The following RASSF5 variants were observed in gnomAD, a reference collection of about 807,000 sequenced individuals.
RASSF5 encodes ras association domain-containing protein 5.
In RASSF5, 25 loss-of-function variants were observed where a neutral mutation model predicts 40.5. That is an observed-to-expected ratio of 0.62 (90% confidence interval 0.45 to 0.86). The LOEUF (loss-of-function observed/expected upper bound fraction) is 0.86, where lower values mean the gene tolerates loss of function less well. Among genes scored for constraint, RASSF5 ranks in the 40% least tolerant of loss-of-function variants. The pLI is 0.00. For synonymous variants in RASSF5, 246 were observed against 252.4 expected (o/e 0.97, Z 0.24); for missense variants, 521 against 572.8 (o/e 0.91, Z 0.92).
intron 1 of RASSF5, among the ~76,000 whole-genome samples, chr1:206,509,984 C>T (rs542650366): frequency 2.6e-5 from 4 of 152,212 alleles, no homozygotes; most frequent in Admixed American, 2.0e-4. Flanking sequence ...TTAATGCTAA[C>T]GATGTCTGAA....
At chr1:206,523,000 C>T (rs1553396347) in intron 1 of RASSF5, among the ~76,000 whole-genome samples, 1 of 151,982 alleles carries the variant, frequency 6.6e-6, no homozygotes, top group African/African-American at 2.4e-5. Flanking sequence ...ATGTTATAAA[C>T]ATTGCATGTA....
rs1484357809 is a variant in RASSF5 at position 206,587,669 on chromosome 1, A to G, written c.*691A>G. On this transcript the variant is annotated 3_prime_UTR_variant, in exon 6 of 6. Coordinates refer to ENST00000579436, the MANE Select transcript of RASSF5 (RefSeq NM_182663.4). ...ATTGCACATGGAAACCCAAAGGCAT[A>G]TATCTGCGTATGTGTGGTACTTAGT... The G allele has an allele frequency of 3.9e-5, 6 of 153,450 alleles. No homozygotes were observed. Among genetic ancestry groups the G allele is most frequent in the African/African-American group, 1.4e-4 (6 of 41,468 alleles). 9.5% of individuals were successfully genotyped at this position (153,450 alleles called of 1,614,324 possible).
chr1:206,560,712 A>C lies in RASSF5; in HGVS notation c.579+22419A>C, dbSNP rs546939416. 6.6e-6 allele frequency among the ~76,000 whole-genome samples: 1 copy of C among 152,316 alleles called. No individual in the cohort carries two copies. Among genetic ancestry groups the C allele is most frequent in the East Asian group, 1.9e-4 (1 of 5,190 alleles). On this transcript the variant is annotated intron_variant, in intron 2 of 5. Transcript: ENST00000579436. The surrounding 1 kb of genome is among the most constrained non-coding windows in gnomAD (Gnocchi z 5.1). ...AGACGTAGATGGTCTCAGTAAGACC[A>C]TCATAGTTACCTCAATCTAAGGTGT... is the stretch of plus-strand genomic sequence containing the variant.
chr1:206,508,527 C>T (rs1408929236), intron 1 of RASSF5, among the ~76,000 whole-genome samples: 2 of 152,074 alleles, frequency 1.3e-5, no homozygotes, highest in African/African-American at 2.4e-5. Context: ...CTTGTTTGTC[C>T]GCCCATGGTA....
chr1:206,531,849 A>G lies in RASSF5; in HGVS notation c.458-6323A>G, dbSNP rs1362167462. Among the ~76,000 whole-genome samples, 3 of 151,956 alleles carry G rather than the reference A, an allele frequency of 2.0e-5. No homozygotes were observed. Among genetic ancestry groups the G allele is most frequent in the African/African-American group, 7.3e-5 (3 of 41,298 alleles). ...TCAGGAGATCGAGAGCATCCTGGCT[A>G]ACATAGTGAAACCCTGTCTCTACTA... On this transcript the variant is annotated intron_variant, in intron 1 of 5. Coordinates refer to ENST00000579436, the MANE Select transcript of RASSF5 (RefSeq NM_182663.4). The surrounding 1 kb of genome is among the most constrained non-coding windows in gnomAD (Gnocchi z 4.7).
At chr1:206,557,009 C>T (rs910816578) in intron 2 of RASSF5, among the ~76,000 whole-genome samples, 9 of 152,204 alleles carry the variant, frequency 5.9e-5, no homozygotes, top group Non-Finnish European at 1.0e-4. Flanking sequence ...CGGGTCCATC[C>T]TGGTCCCTTC....
intron 2 of RASSF5, among the ~76,000 whole-genome samples, chr1:206,548,793 G>C (rs1197810065): frequency 1.3e-5 from 2 of 152,154 alleles, no homozygotes; most frequent in Non-Finnish European, 2.9e-5. Context: ...ATATTAGACT[G>C]CTTGAATTCG....
intron 1 of RASSF5, among the ~76,000 whole-genome samples, chr1:206,509,211 A>G (rs1237235260): frequency 1.3e-5 from 2 of 152,224 alleles, no homozygotes; most frequent in African/African-American, 4.8e-5. Flanking sequence ...GGACAGCAGC[A>G]GTGATTTCCA....
At chr1:206,567,331 T>C (rs1457725707) in intron 2 of RASSF5, among the ~76,000 whole-genome samples, 7 of 152,180 alleles carry the variant, frequency 4.6e-5, no homozygotes, top group African/African-American at 1.7e-4. Flanking sequence ...ATTCCCTCTG[T>C]CTGCCTTTCA....
chr1:206,525,748 G>A (rs1667082030), intron 1 of RASSF5, among the ~76,000 whole-genome samples: 1 of 152,176 alleles, frequency 6.6e-6, no homozygotes, highest in Non-Finnish European at 1.5e-5. Context: ...TACCTTGAGG[G>A]CCCCAGAGAG....
At chr1:206,578,793 T>C (rs572798086) in intron 2 of RASSF5, among the ~76,000 whole-genome samples, 7 of 152,270 alleles carry the variant, frequency 4.6e-5, no homozygotes, top group African/African-American at 1.7e-4. Context: ...AGAAGCCACG[T>C]GACTCACTCA....
chr1:206,508,322 CCACACACA>C (rs368124193), intron 1 of RASSF5, among the ~76,000 whole-genome samples: 9 of 146,622 alleles, frequency 6.1e-5, no homozygotes, highest in African/African-American at 1.3e-4. Flanking sequence ...CCTTGGCCCT[CCACACACA>C]CACACACACA....
chr1:206,572,920 T>A (rs1371925975), intron 2 of RASSF5, among the ~76,000 whole-genome samples: 1 of 152,162 alleles, frequency 6.6e-6, no homozygotes, highest in African/African-American at 2.4e-5. Flanking sequence ...GGAATCAAGG[T>A]CCCATATTGG....
rs1667230246 is a variant in RASSF5 at position 206,531,277 on chromosome 1, C to G, written c.458-6895C>G. Among the ~76,000 whole-genome samples the G allele has an allele frequency of 6.6e-6, 1 of 152,230 alleles. No homozygotes were observed. The highest frequency in any genetic ancestry group is 1.5e-5 in the Non-Finnish European group (1 of 68,042). ...TTCTGAATGCTTGCTAGTGAATGGG[C>G]TTCCCAAACTCGGAGCAGGGCCCAG... On this transcript the variant is annotated intron_variant, in intron 1 of 5. Transcript: ENST00000579436. The surrounding 1 kb of genome is among the most constrained non-coding windows in gnomAD (Gnocchi z 4.7).
intron 2 of RASSF5, among the ~76,000 whole-genome samples, chr1:206,551,311 C>G (rs1231761170): frequency 6.6e-6 from 1 of 152,186 alleles, no homozygotes; most frequent in African/African-American, 2.4e-5. Context: ...TCTAGAGGTG[C>G]CAGATGCACA....
chr1:206,512,277 A>G (rs1666637630), intron 1 of RASSF5, among the ~76,000 whole-genome samples: 1 of 152,086 alleles, frequency 6.6e-6, no homozygotes. Flanking sequence ...AATGCTTTCA[A>G]AGAGGCCTTC....
intron 3 of RASSF5, chr1:206,583,745 G>A (rs1458572483): frequency 2.4e-5 from 6 of 246,368 alleles, no homozygotes; most frequent in Non-Finnish European, 4.1e-5. Flanking sequence ...CTACCCCTTC[G>A]ATTGTGAGAG....
chr1:206,557,015 C>G, intron 2 of RASSF5: 1 of 392,702 alleles, frequency 2.5e-6, no homozygotes, highest in East Asian at 1.6e-4. Context: ...CATCCTGGTC[C>G]CTTCTTTCCC....
chr1:206,512,619 G>A (rs781788295), intron 1 of RASSF5, among the ~76,000 whole-genome samples: 6 of 151,984 alleles, frequency 3.9e-5, no homozygotes, highest in Non-Finnish European at 7.4e-5. Flanking sequence ...TTCTACCGGC[G>A]AGCCAGCCTG....
Sources: gnomAD v4.1 joint callset for allele counts (sites outside exome capture counted in the v4.1 genomes callset) on GRCh38, gnomAD v4.1.1 for gene constraint, Gnocchi (gnomAD v3.1) non-coding constraint, MANE v1.5 for transcripts, NCBI Gene and HGNC (gene_info 2026-07-23, HGNC 2026-07-21) for gene names.